The following PAX5 variants were observed in gnomAD, a reference collection of about 807,000 sequenced individuals.
PAX5 encodes paired box protein Pax-5.
PAX5 carries 9 observed loss-of-function variants against 43.7 expected under a neutral mutation model. The ratio of observed to expected loss-of-function variants is 0.21; its 90% CI spans 0.12 to 0.36. The LOEUF is 0.36. Ranked by LOEUF, PAX5 falls within the 10% of genes least tolerant of loss-of-function variation. The pLI is 1.00. For missense variants in PAX5, 383 were observed against 532.7 expected (o/e 0.72, Z 2.77); for synonymous variants, 228 against 214.3 (o/e 1.06, Z -0.56).
chr9:37,012,265 C>T (rs1043263989), intron 3 of PAX5, among the ~76,000 whole-genome samples: 1 of 152,188 alleles, frequency 6.6e-6, no homozygotes, highest in South Asian at 2.1e-4. Context: ...CTGTCACTCG[C>T]AGAGTCCTAC....
intron 7 of PAX5, among the ~76,000 whole-genome samples, chr9:36,919,160 A>T (rs541148365): frequency 6.6e-6 from 1 of 152,316 alleles, no homozygotes; most frequent in East Asian, 1.9e-4. Flanking sequence ...TCTTCCTGTG[A>T]TCTACAAGTG....
chr9:36,924,903 G>A (rs967079774), intron 6 of PAX5, among the ~76,000 whole-genome samples: 2 of 152,092 alleles, frequency 1.3e-5, no homozygotes, highest in African/African-American at 4.8e-5. Context: ...TGCATGTGAA[G>A]ATTTTATGTG....
At position 36,882,125 on chromosome 9, in the gene PAX5, A is replaced by C; in HGVS notation, c.911-20T>G. 1 of 1,559,890 alleles carries C rather than the reference A, an allele frequency of 6.4e-7. No homozygotes were observed. The highest frequency in any genetic ancestry group is 8.7e-7 in the Non-Finnish European group (1 of 1,145,116). ...CACGGCCTGAGGAATCAAAGCAACAAATCACAGGGTGAGCATCTTCGCGGC... is the reference window on the plus strand; with the variant it reads ...CACGGCCTGAGGAATCAAAGCAACACATCACAGGGTGAGCATCTTCGCGGC... On this transcript the variant is annotated intron_variant, in intron 7 of 9. Transcript: ENST00000358127. This position sits in a 1 kb window ranked among gnomAD's most constrained non-coding sequence, Gnocchi z 4.4.
chr9:36,851,578 G>A (rs574362481), intron 8 of PAX5, among the ~76,000 whole-genome samples: 15 of 152,216 alleles, frequency 9.9e-5, no homozygotes, highest in African/African-American at 2.9e-4. Flanking sequence ...AAATCTTAAG[G>A]AGAACATAGG....
At chr9:36,864,784 G>A (rs1824678525) in intron 8 of PAX5, among the ~76,000 whole-genome samples, 1 of 152,236 alleles carries the variant, frequency 6.6e-6, no homozygotes, top group Admixed American at 6.5e-5. Context: ...TCAGTCTAGA[G>A]GTGCCCCTCG....
intron 1 of PAX5, 66 bp downstream of exon 1, chr9:37,033,920 G>C (rs1469539094): frequency 6.7e-7 from 1 of 1,503,064 alleles, no homozygotes; most frequent in Admixed American, 1.7e-5. Flanking sequence ...GGGTCACCCT[G>C]CGTGGGGACC....
chr9:37,023,723 T>C (rs955774216), intron 1 of PAX5, among the ~76,000 whole-genome samples: 2 of 152,120 alleles, frequency 1.3e-5, no homozygotes, highest in Non-Finnish European at 2.9e-5. Context: ...GGAAAGGGAC[T>C]TTGCTGACTC....
At position 36,883,821 on chromosome 9, in the gene PAX5, C is replaced by A. The variant is rs1826674570; in HGVS notation, c.911-1716G>T. ...ATAATCAAGATAAAGGATGAGGAGA[C>A]ATTATAACCAGAGATGATATTTAAA... On this transcript the variant is annotated intron_variant, in intron 7 of 9. Coordinates refer to ENST00000358127, the MANE Select transcript of PAX5 (RefSeq NM_016734.3). Among the ~76,000 whole-genome samples the A allele has an allele frequency of 2.0e-5, 3 of 151,890 alleles. 1 individual carries two copies. The highest frequency in any genetic ancestry group is 7.3e-5 in the African/African-American group (3 of 41,360).
At chr9:36,957,127 G>A (rs1034127552) in intron 6 of PAX5, among the ~76,000 whole-genome samples, 7 of 152,234 alleles carry the variant, frequency 4.6e-5, no homozygotes, top group Admixed American at 6.5e-5. Context: ...GGGCGGCATC[G>A]CTGTGCCTTG....
intron 5 of PAX5, among the ~76,000 whole-genome samples, chr9:36,994,513 T>C (rs1340775324): frequency 1.3e-5 from 2 of 151,992 alleles, no homozygotes. Flanking sequence ...GCACGCACAC[T>C]CGGCCCCACC....
intron 7 of PAX5, among the ~76,000 whole-genome samples, chr9:36,910,270 C>T (rs533705636): frequency 6.6e-6 from 1 of 152,264 alleles, no homozygotes; most frequent in East Asian, 1.9e-4. Flanking sequence ...AATATGCATT[C>T]CCATTGTCCC....
At chr9:36,845,123 C>T (rs533354862) in intron 9 of PAX5, among the ~76,000 whole-genome samples, 1 of 152,320 alleles carries the variant, frequency 6.6e-6, no homozygotes, top group African/African-American at 2.4e-5. Flanking sequence ...CCACTATGGC[C>T]TCCTTGGGGT....
At chr9:36,947,829 A>T (rs1347845662) in intron 6 of PAX5, among the ~76,000 whole-genome samples, 1 of 151,080 alleles carries the variant, frequency 6.6e-6, no homozygotes, top group African/African-American at 2.4e-5. Flanking sequence ...GCATATGCAT[A>T]TGTCTCCATG....
chr9:36,863,926 T>G (rs903444559), intron 8 of PAX5, among the ~76,000 whole-genome samples: 2 of 152,184 alleles, frequency 1.3e-5, no homozygotes, highest in Admixed American at 6.5e-5. Flanking sequence ...CTGGCCAACA[T>G]GGTGAAACCC....
At chr9:37,026,424 G>C in intron 1 of PAX5, 2 of 966,912 alleles carry the variant, frequency 2.1e-6, no homozygotes, top group South Asian at 1.5e-5. Flanking sequence ...TTAGCTGCGC[G>C]GCTGCAGAGG....
At chr9:36,885,189 G>A (rs1826808945) in intron 7 of PAX5, among the ~76,000 whole-genome samples, 1 of 152,136 alleles carries the variant, frequency 6.6e-6, no homozygotes, top group African/African-American at 2.4e-5. Flanking sequence ...ATGGGCTGTT[G>A]AGCAGCATTA....
At chr9:36,901,097 G>A (rs893416190) in intron 7 of PAX5, among the ~76,000 whole-genome samples, 1 of 151,984 alleles carries the variant, frequency 6.6e-6, no homozygotes, top group Non-Finnish European at 1.5e-5. Context: ...GTCTTCCTGC[G>A]AGTCTCATCC....
chr9:36,843,880 G>A (rs1051263558), intron 9 of PAX5, among the ~76,000 whole-genome samples: 4 of 152,176 alleles, frequency 2.6e-5, no homozygotes, highest in African/African-American at 4.8e-5. Flanking sequence ...CAAGCACCCC[G>A]GGAAAAGTTA....
At chr9:36,850,044 A>C (rs1195665394) in intron 8 of PAX5, among the ~76,000 whole-genome samples, 2 of 152,226 alleles carry the variant, frequency 1.3e-5, no homozygotes, top group African/African-American at 4.8e-5. Flanking sequence ...GACCACGTGA[A>C]CCAGGACTTG....
Sources: gnomAD v4.1 joint callset for allele counts (sites outside exome capture counted in the v4.1 genomes callset) on GRCh38, gnomAD v4.1.1 for gene constraint, Gnocchi (gnomAD v3.1) non-coding constraint, MANE v1.5 for transcripts, NCBI Gene and HGNC (gene_info 2026-07-23, HGNC 2026-07-21) for gene names.